Variants in FAT4 observed in about 807,000 individuals in gnomAD.
FAT4 encodes FAT atypical cadherin 4.
A neutral mutation model predicts 303.9 loss-of-function variants in FAT4; 84 were observed. That is an observed-to-expected ratio of 0.28 (90% CI 0.23 to 0.33). The LOEUF (loss-of-function observed/expected upper bound fraction) is 0.33, where lower values mean the gene tolerates loss of function less well. FAT4 is among the 10% of genes least tolerant of loss of function. The pLI, the probability that FAT4 is intolerant of heterozygous loss-of-function variation, is 1.00. For missense variants in FAT4, 6,005 were observed against 6,146.8 expected (o/e 0.98, Z 0.77); for synonymous variants, 2,307 against 2,298.8 (o/e 1.00, Z -0.10).
In FAT4 at chr4:125,366,744, A is replaced by C. The variant is rs115128927; in HGVS notation, c.5176-32040A>C. 9.8e-3 allele frequency among the ~76,000 whole-genome samples: 1,486 copies of C among 152,104 alleles called. 20 individuals are homozygous for C. Among genetic ancestry groups the C allele is most frequent in the African/African-American group, 0.034 (1,419 of 41,498 alleles). The stretch of plus-strand genomic sequence containing the variant: ...GTGTACACATGTTATTTTTTCTCTG[A>C]AAGCTTGCCAGCATCTGTTATTTTT... On this transcript the variant is annotated intron_variant, in intron 2 of 17. Coordinates refer to ENST00000394329, the MANE Select transcript of FAT4 (RefSeq NM_001291303.3).
rs1432760787 is a variant in FAT4, at chr4:125,318,207, G to A, written c.1796G>A (p.Gly599Glu). 1.1e-5 allele frequency: 18 copies of A among 1,614,066 alleles called. No homozygotes were observed. The Admixed American group carries it at 3.0e-4, about 27-fold the overall frequency. The change falls in exon 2 of 18, where the codon GGG becomes GAG. Residue 599 changes from glycine (G) to glutamate (E), a missense_variant. Coordinates refer to ENST00000394329, the MANE Select transcript of FAT4 (RefSeq NM_001291303.3). ...DVSVVENAPT[G>E]TELLMLRATD... Reference sequence around the variant, plus strand: ...TCTGTGGTTGAGAATGCCCCAACAGGGACAGAACTGTTGATGCTCAGGGCA... The same window carrying A: ...TCTGTGGTTGAGAATGCCCCAACAGAGACAGAACTGTTGATGCTCAGGGCA...
Position 125,451,294 on chromosome 4 carries a change from C to T in FAT4, c.10284C>T (p.Val3428=), listed in dbSNP as rs753204945. The T allele has an allele frequency of 1.5e-5, 24 of 1,614,136 alleles. No homozygotes were observed. The highest frequency in any genetic ancestry group is 2.0e-5 in the Non-Finnish European group (24 of 1,180,018). ...GVPIGTHVTF[V]SAFDSDSIPS... The stretch of plus-strand genomic sequence containing the variant: ...CAATAGGAACTCATGTGACCTTTGT[C>T]AGTGCCTTTGACTCAGACTCCATCC... The change falls in exon 10 of 18, where the codon GTC becomes GTT. Residue 3428 remains valine (V), a synonymous_variant. Coordinates refer to ENST00000394329, the MANE Select transcript of FAT4 (RefSeq NM_001291303.3).
chr4:125,316,597 C>T lies in FAT4; in HGVS notation c.186C>T (p.Gly62=). ...LEEQPPGTLV[G]TIQTRPGFTY... is the part of the protein sequence containing the mutation. Reference sequence around the variant, plus strand: ...AGCAACCTCCAGGCACTCTGGTAGGCACCATCCAGACGCGCCCCGGCTTCA... The same window carrying T: ...AGCAACCTCCAGGCACTCTGGTAGGTACCATCCAGACGCGCCCCGGCTTCA... The change falls in exon 2 of 18, where the codon GGC becomes GGT. Residue 62 remains glycine, a synonymous_variant. Coordinates refer to ENST00000394329, the MANE Select transcript of FAT4 (RefSeq NM_001291303.3). This position sits in a 1 kb window ranked among gnomAD's most constrained non-coding sequence, Gnocchi z 5.7. 1 of 1,613,990 alleles carries T rather than the reference C, an allele frequency of 6.2e-7. No individual in the cohort carries two copies. The highest frequency in any genetic ancestry group is 2.2e-5 in the East Asian group (1 of 44,862).
intron 7 of FAT4, among the ~76,000 whole-genome samples, chr4:125,418,920 A>G (rs1476242695): frequency 1.3e-5 from 2 of 152,124 alleles, no homozygotes; most frequent in Non-Finnish European, 2.9e-5. Flanking sequence ...AATGTTTTAA[A>G]TGGAGCAAGT....
chr4:125,447,028 A>G (rs1270542269), intron 9 of FAT4, among the ~76,000 whole-genome samples: 1 of 152,076 alleles, frequency 6.6e-6, no homozygotes, highest in Non-Finnish European at 1.5e-5. Context: ...AGTTTAATAA[A>G]TGGATAATTC....
intron 8 of FAT4, among the ~76,000 whole-genome samples, chr4:125,436,377 G>T (rs756734390): frequency 1.1e-4 from 17 of 152,084 alleles, no homozygotes; most frequent in Non-Finnish European, 2.1e-4. Flanking sequence ...AGTTTCAAAT[G>T]ACTGTTACTC....
chr4:125,397,252 A>T (rs559312394), intron 2 of FAT4, among the ~76,000 whole-genome samples: 3 of 152,204 alleles, frequency 2.0e-5, no homozygotes, highest in East Asian at 3.9e-4. Context: ...ACTCTAGGAC[A>T]CATATTATTA....
chr4:125,320,660 C>A lies in FAT4; in HGVS notation c.4249C>A (p.Pro1417Thr). Residue 1417 changes from proline (P) to threonine (T), a missense_variant, in exon 2 of 18, where the codon CCT becomes ACT. Coordinates refer to ENST00000394329, the MANE Select transcript of FAT4 (RefSeq NM_001291303.3). ...TCACGTGAGGGACTTTAATGACAAT[C>A]CTCCTAGCTTTCCTCCTGGAGATAT... ...VIHVRDFNDNPPSFPPGDIFK... is the reference protein window; with the variant it reads ...VIHVRDFNDNTPSFPPGDIFK... 2.5e-6 allele frequency: 4 copies of A among 1,613,846 alleles called. No individual in the cohort carries two copies. The African/African-American group carries it at 5.3e-5, about 22-fold the overall frequency.
In FAT4 at chr4:125,318,385, G is replaced by A. The variant is rs558019632; in HGVS notation, c.1974G>A (p.Leu658=). 1.8e-5 allele frequency: 29 copies of A among 1,614,182 alleles called. No homozygotes were observed. In the East Asian group the frequency reaches 5.8e-4, roughly 32 times the overall value. The part of the protein sequence containing the change: ...DREEQAFYSL[L]VLATDLGSPP... ...AAGAGCAAGCCTTCTACTCCCTGTT[G>A]GTTCTGGCCACAGATCTGGGCTCCC... The change falls in exon 2 of 18, where the codon TTG becomes TTA. Residue 658 remains leucine, a synonymous_variant. Coordinates refer to ENST00000394329, the MANE Select transcript of FAT4 (RefSeq NM_001291303.3).
chr4:125,394,317 G>T (rs1229633267), intron 2 of FAT4, among the ~76,000 whole-genome samples: 1 of 152,118 alleles, frequency 6.6e-6, no homozygotes, highest in African/African-American at 2.4e-5. Context: ...TGTGATTTGT[G>T]TTTTTGCAAA....
chr4:125,374,914 A>G (rs775499147), intron 2 of FAT4, among the ~76,000 whole-genome samples: 1 of 152,214 alleles, frequency 6.6e-6, no homozygotes, highest in Non-Finnish European at 1.5e-5. Flanking sequence ...ATTAGCTGTC[A>G]TATTAACACA....
chr4:125,319,600 A>T lies in FAT4; in HGVS notation c.3189A>T (p.Gln1063His). ...YIKSELDREL[Q>H]DRYVLMVVAS... ...AAAGTGAACTGGACCGTGAACTTCA[A>T]GACAGATATGTTTTAATGGTTGTTG... The change falls in exon 2 of 18, where the codon CAA becomes CAT. Residue 1063 changes from glutamine to histidine, a missense_variant. Transcript: ENST00000394329. 1 of 1,614,040 alleles carries T rather than the reference A, an allele frequency of 6.2e-7. No individual in the cohort carries two copies. The highest frequency in any genetic ancestry group is 8.5e-7 in the Non-Finnish European group (1 of 1,179,880).
intron 5 of FAT4, among the ~76,000 whole-genome samples, chr4:125,411,688 T>C (rs1293208703): frequency 1.3e-5 from 2 of 149,752 alleles, no homozygotes; most frequent in Non-Finnish European, 3.0e-5. Flanking sequence ...TTTTATAGCA[T>C]GAAACTATAC....
intron 2 of FAT4, among the ~76,000 whole-genome samples, chr4:125,324,677 T>A (rs1731085171): frequency 6.6e-6 from 1 of 152,144 alleles, no homozygotes; most frequent in Admixed American, 6.5e-5. Context: ...AGCAATCTTA[T>A]ACATTCAGGT....
intron 2 of FAT4, among the ~76,000 whole-genome samples, chr4:125,362,125 A>T (rs1396988606): frequency 6.6e-6 from 1 of 152,062 alleles, no homozygotes; most frequent in African/African-American, 2.4e-5. Flanking sequence ...CAGATTCATG[A>T]TGTGCTGATA....
Position 125,477,197 on chromosome 4 carries a change from C to A in FAT4, c.12342C>A (p.Ile4114=). ...CAAATAGAGTTACAGTTGGAGGTAT[C>A]AGATCTCTAGAACCAATCCTTCAGA... ...VQPNRVTVGG[I]RSLEPILQRR... Residue 4114 remains isoleucine (I), a synonymous_variant, in exon 14 of 18, where the codon ATC becomes ATA. Transcript: ENST00000394329. 6.8e-7 allele frequency: 1 copy of A among 1,472,356 alleles called. No individual in the cohort carries two copies. Among genetic ancestry groups the A allele is most frequent in the Non-Finnish European group, 9.1e-7 (1 of 1,102,674 alleles). 91.2% of individuals were successfully genotyped at this position (1,472,356 alleles called of 1,614,324 possible).
chr4:125,479,593 G>A (rs1427266564), intron 14 of FAT4, 148 bp from the exon 15 acceptor site: 1 of 728,882 alleles, frequency 1.4e-6, no homozygotes, highest in African/African-American at 1.8e-5. Flanking sequence ...CTTCTGGTTT[G>A]ATTAGTTTCT....
chr4:125,404,712 C>T (rs1204185233), intron 3 of FAT4, among the ~76,000 whole-genome samples: 1 of 152,044 alleles, frequency 6.6e-6, no homozygotes, highest in African/African-American at 2.4e-5. Context: ...ATACCCATGG[C>T]TTATAAGCTC....
chr4:125,437,626 A>G (rs2126046883), intron 8 of FAT4, among the ~76,000 whole-genome samples: 1 of 152,272 alleles, frequency 6.6e-6, no homozygotes, highest in South Asian at 2.1e-4. Flanking sequence ...GTACAACTGA[A>G]CTTCTTCCAG....
Sources: gnomAD v4.1 joint callset for allele counts (sites outside exome capture counted in the v4.1 genomes callset) on GRCh38, gnomAD v4.1.1 for gene constraint, Gnocchi (gnomAD v3.1) non-coding constraint, MANE v1.5 for transcripts, NCBI Gene and HGNC (gene_info 2026-07-23, HGNC 2026-07-21) for gene names.